The following CLCN3 variants were observed in gnomAD, a reference collection of about 807,000 sequenced individuals.
CLCN3 encodes the protein H(+)/Cl(-) exchange transporter 3.
A neutral mutation model predicts 83.4 loss-of-function variants in CLCN3; 16 were observed. That is an observed-to-expected ratio of 0.19 (90% CI 0.13 to 0.29). The LOEUF (loss-of-function observed/expected upper bound fraction) is 0.29. Among genes scored for constraint, CLCN3 ranks in the 10% least tolerant of loss-of-function variants. The pLI, the probability that CLCN3 is intolerant of heterozygous loss-of-function variation, is 1.00. For missense variants in CLCN3, 544 were observed against 1,006.0 expected, an observed-to-expected ratio of 0.54 and a Z score of 6.21; for synonymous variants, 322 against 346.2, an observed-to-expected ratio of 0.93 and a Z score of 0.78.
chr4:169,657,167 CT>C (rs1297447804), intron 2 of CLCN3, among the ~76,000 whole-genome samples: 1 of 151,980 alleles, frequency 6.6e-6, no homozygotes, highest in Non-Finnish European at 1.5e-5. Context: ...TTGTGTATTT[CT>C]AAAAGATTAA....
At chr4:169,709,540 A>G (rs955223480) in intron 11 of CLCN3, among the ~76,000 whole-genome samples, 1 of 151,936 alleles carries the variant, frequency 6.6e-6, no homozygotes, top group Non-Finnish European at 1.5e-5. Context: ...AAAAAAATAC[A>G]TGGGTGTGGT....
chr4:169,639,744 T>C (rs1730346567), intron 2 of CLCN3, among the ~76,000 whole-genome samples: 2 of 152,212 alleles, frequency 1.3e-5, no homozygotes, highest in African/African-American at 4.8e-5. Context: ...TTCTGCTCAG[T>C]ATCTGGGGAG....
chr4:169,679,750 C>T (rs560050199), intron 2 of CLCN3, among the ~76,000 whole-genome samples: 44 of 152,242 alleles, frequency 2.9e-4, no homozygotes, highest in African/African-American at 7.7e-4. Context: ...ATCAGTCAGG[C>T]GTGGCGGCGC....
At chr4:169,706,648 G>A (rs1347181095) in intron 10 of CLCN3, among the ~76,000 whole-genome samples, 1 of 152,136 alleles carries the variant, frequency 6.6e-6, no homozygotes, top group East Asian at 1.9e-4. Context: ...TATTTTAATA[G>A]TCTTCTCTGT....
At position 169,625,972 on chromosome 4, in the gene CLCN3, C is replaced by T. The variant is rs185222035; in HGVS notation, c.-17+4909C>T. On this transcript the variant is annotated intron_variant, in intron 1 of 12. Transcript: ENST00000513761. ...AACTGGGTGCCCCCCGGTTCCAATA[C>T]GGTGTACCTGGAGGTAGTGTCAGAC... Among the ~76,000 whole-genome samples, 15 of 152,296 alleles carry T rather than the reference C, an allele frequency of 9.8e-5. No individual in the cohort carries two copies. In the East Asian group the frequency reaches 2.9e-3, roughly 29 times the overall value.
chr4:169,652,525 C>T (rs886192432), intron 2 of CLCN3, among the ~76,000 whole-genome samples: 19 of 152,056 alleles, frequency 1.2e-4, no homozygotes, highest in African/African-American at 4.1e-4. Flanking sequence ...TACAGTTTAC[C>T]TATTCATTTT....
chr4:169,682,687 G>A (rs1202110885), intron 3 of CLCN3, among the ~76,000 whole-genome samples: 3 of 152,196 alleles, frequency 2.0e-5, no homozygotes, highest in Non-Finnish European at 4.4e-5. Flanking sequence ...TTGAGACGTA[G>A]CAGTTTTTAC....
intron 3 of CLCN3, 113 bp downstream of exon 3, chr4:169,680,320 ATG>A: frequency 1.4e-6 from 1 of 734,724 alleles, no homozygotes; most frequent in Non-Finnish European, 2.2e-6. Flanking sequence ...ATATAAGTAA[ATG>A]TCTACATTTC....
chr4:169,640,578 G>C (rs910201523), intron 2 of CLCN3, among the ~76,000 whole-genome samples: 2 of 152,078 alleles, frequency 1.3e-5, no homozygotes, highest in African/African-American at 4.8e-5. Flanking sequence ...GTTTATATTA[G>C]GTATATCTAA....
intron 1 of CLCN3, among the ~76,000 whole-genome samples, chr4:169,625,147 T>C (rs1773200702): frequency 6.6e-6 from 1 of 152,260 alleles, no homozygotes; most frequent in South Asian, 2.1e-4. Context: ...AATATTTATA[T>C]GAAAATGCTC....
intron 9 of CLCN3, among the ~76,000 whole-genome samples, chr4:169,698,144 T>C (rs1346547573): frequency 6.6e-6 from 1 of 152,204 alleles, no homozygotes; most frequent in Non-Finnish European, 1.5e-5. Context: ...AGTTTTGGGG[T>C]ATATGAAGTA....
At chr4:169,648,147 T>C (rs1178686652) in intron 2 of CLCN3, among the ~76,000 whole-genome samples, 1 of 152,174 alleles carries the variant, frequency 6.6e-6, no homozygotes. Context: ...GGATCCTGTA[T>C]TGGGACCTGG....
chr4:169,632,017 G>T (rs923704670), intron 1 of CLCN3, among the ~76,000 whole-genome samples: 5 of 151,072 alleles, frequency 3.3e-5, no homozygotes, highest in East Asian at 2.0e-4. Context: ...CAATTCTACT[G>T]AAACGACTCC....
At chr4:169,635,667 C>T (rs866530257) in intron 1 of CLCN3, among the ~76,000 whole-genome samples, 6 of 152,098 alleles carry the variant, frequency 3.9e-5, no homozygotes, top group African/African-American at 9.6e-5. Context: ...TGTAAATATA[C>T]GTTACATTTT....
chr4:169,675,000 C>T (rs1475476148), intron 2 of CLCN3, among the ~76,000 whole-genome samples: 1 of 152,208 alleles, frequency 6.6e-6, no homozygotes, highest in East Asian at 1.9e-4. Flanking sequence ...CCTCAGCCTG[C>T]CAAAGTACTG....
rs1050387139 is a variant in CLCN3 at position 169,620,902 on chromosome 4, T to C, written c.-178T>C. On this transcript the variant is annotated 5_prime_UTR_variant, in exon 1 of 13. Transcript: ENST00000513761. Reference sequence around the variant, plus strand: ...GGCAAAATTTTCGTAACCTCTGCGGTAGAAAACGTCAGGTATCTTTTAAAT... The same window carrying C: ...GGCAAAATTTTCGTAACCTCTGCGGCAGAAAACGTCAGGTATCTTTTAAAT... 1.8e-5 allele frequency: 7 copies of C among 398,448 alleles called. No individual in the cohort carries two copies. Among genetic ancestry groups the C allele is most frequent in the East Asian group, 1.1e-4 (3 of 28,088 alleles). 24.7% of individuals were successfully genotyped at this position (398,448 alleles called of 1,614,324 possible). A position where few individuals can be genotyped will look rare whatever the true frequency, so the allele number is the denominator to read the frequency against.
chr4:169,703,853 C>A, intron 9 of CLCN3, 145 bp from the exon 10 acceptor site: 1 of 737,170 alleles, frequency 1.4e-6, no homozygotes, highest in Non-Finnish European at 2.2e-6. Flanking sequence ...CAAGATTTTG[C>A]TTTAGTTTTA....
At chr4:169,707,447 T>A (rs1013687537) in intron 11 of CLCN3, among the ~76,000 whole-genome samples, 181 bp downstream of exon 11, 3 of 152,140 alleles carry the variant, frequency 2.0e-5, no homozygotes, top group Non-Finnish European at 4.4e-5. Flanking sequence ...TTTCTGCTAT[T>A]TAGCAGAAAA....
At chr4:169,705,863 A>G (rs1349602998) in intron 10 of CLCN3, among the ~76,000 whole-genome samples, 1 of 152,034 alleles carries the variant, frequency 6.6e-6, no homozygotes, top group East Asian at 1.9e-4. Context: ...GTAAGATAAA[A>G]TGGTATTATA....
Sources: allele counts gnomAD v4.1 joint callset (sites outside exome capture counted in the v4.1 genomes callset), GRCh38; gene constraint gnomAD v4.1.1; transcripts MANE v1.5; gene names NCBI Gene and HGNC (gene_info 2026-07-23, HGNC 2026-07-21).